The following SVEP1 variants were observed in gnomAD, a reference collection of about 807,000 sequenced individuals.
SVEP1 encodes the protein sushi, von Willebrand factor type A, EGF and pentraxin domain-containing protein 1.
Under a neutral mutation model 367.3 loss-of-function variants are expected in SVEP1, and 164 were observed. The observed-to-expected ratio is 0.45, with a 90% CI of 0.39 to 0.51. The LOEUF is 0.51. Ranked by LOEUF, SVEP1 falls within the 20% of genes least tolerant of loss-of-function variation. SVEP1 has a pLI of 0.00. For missense variants in SVEP1, 4,117 were observed against 4,425.3 expected (o/e 0.93, Z 1.98); for synonymous variants, 1,666 against 1,611.6 (o/e 1.03, Z -0.81).
chr9:110,384,526 T>G (rs914939896), intron 43 of SVEP1, among the ~76,000 whole-genome samples: 2 of 151,194 alleles, frequency 1.3e-5, no homozygotes, highest in African/African-American at 4.9e-5. Context: ...AGCTGCTAGC[T>G]GAAAATTCAG....
Position 110,394,138 on chromosome 9 carries a change from G to A in SVEP1, c.9823-4551C>T, listed in dbSNP as rs1042440246. Reference sequence around the variant, plus strand: ...GGGCGGACTGACACCTCACATGGCCGGGTATTCCTCTGAGACAAAACTTCC... The same window carrying A: ...GGGCGGACTGACACCTCACATGGCCAGGTATTCCTCTGAGACAAAACTTCC... On this transcript the variant is annotated intron_variant, in intron 40 of 47. Transcript: ENST00000374469. Among the ~76,000 whole-genome samples, 8 of 152,064 alleles carry A rather than the reference G, an allele frequency of 5.3e-5. No homozygotes were observed. The East Asian group carries it at 5.8e-4, about 11-fold the overall frequency.
chr9:110,481,427 C>T lies in SVEP1; in HGVS notation c.2180G>A (p.Cys727Tyr). The change falls in exon 12 of 48, where the codon TGT becomes TAT. Residue 727 changes from cysteine (C) to tyrosine (Y), a missense_variant. Coordinates refer to ENST00000374469, the MANE Select transcript of SVEP1 (RefSeq NM_153366.4). ...ATTTACAGGTGTGAATGGAATTTCA[C>T]AGGGAGAACCTGTGTAAAAAAAATT... Reference protein sequence around the residue: ...DIHIVIKGSPCEIPFTPVNGD... With the variant: ...DIHIVIKGSPYEIPFTPVNGD... 2 of 1,575,160 alleles carry T rather than the reference C, an allele frequency of 1.3e-6. No individual in the cohort carries two copies. The highest frequency in any genetic ancestry group is 1.8e-5 in the Admixed American group (1 of 54,522).
intron 3 of SVEP1, among the ~76,000 whole-genome samples, chr9:110,532,639 A>G (rs1163967495): frequency 4.6e-5 from 7 of 152,158 alleles, no homozygotes; most frequent in African/African-American, 1.2e-4. Context: ...AAAGAATTAC[A>G]GTAGTGTTTT....
intron 40 of SVEP1, among the ~76,000 whole-genome samples, chr9:110,391,741 C>T (rs1362398187): frequency 5.9e-5 from 9 of 152,108 alleles, no homozygotes. Flanking sequence ...TGATGTGCAG[C>T]AACTTGAGTG....
Position 110,579,668 on chromosome 9 carries a change from C to G in SVEP1, c.-125G>C, listed in dbSNP as rs1328605180. 8.3e-7 allele frequency: 1 copy of G among 1,202,058 alleles called. No individual in the cohort carries two copies. Among genetic ancestry groups the G allele is most frequent in the Non-Finnish European group, 1.1e-6 (1 of 908,686 alleles). The allele number at this position is 1,202,058 out of a possible 1,614,324, so 74.5% of individuals were successfully genotyped here. On this transcript the variant is annotated 5_prime_UTR_variant, in exon 1 of 48. The change abolishes the stop of an existing upstream ORF in the 5' untranslated region. Transcript: ENST00000374469. This position sits in a 1 kb window ranked among gnomAD's most constrained non-coding sequence, Gnocchi z 5.3. ...GGCGCGGGGCAGCGGCCAAGAGCCT[C>G]AGCGCCCTTTCATCTGACACTGGGG... is the stretch of plus-strand genomic sequence containing the variant.
chr9:110,449,833 T>C (rs181828415), intron 24 of SVEP1, among the ~76,000 whole-genome samples: 9 of 152,334 alleles, frequency 5.9e-5, no homozygotes, highest in East Asian at 1.9e-4. Context: ...ATCAGAATCA[T>C]TGGGAAACTT....
chr9:110,428,425 C>CGA (rs1828289215), intron 35 of SVEP1, among the ~76,000 whole-genome samples: 1 of 151,192 alleles, frequency 6.6e-6, no homozygotes. Flanking sequence ...CACACACACA[C>CGA]ACACCATTAA....
At chr9:110,470,020 C>T (rs1284114713) in intron 16 of SVEP1, among the ~76,000 whole-genome samples, 1 of 152,172 alleles carries the variant, frequency 6.6e-6, no homozygotes, top group Non-Finnish European at 1.5e-5. Context: ...GGCACAAGAA[C>T]CCACGTTTAT....
intron 22 of SVEP1, among the ~76,000 whole-genome samples, chr9:110,454,973 T>C (rs939361516): frequency 3.9e-5 from 6 of 152,190 alleles, no homozygotes; most frequent in Non-Finnish European, 5.9e-5. Context: ...TGAAATTATT[T>C]AAGTCATAAA....
intron 45 of SVEP1, among the ~76,000 whole-genome samples, chr9:110,375,992 T>C (rs1827345127): frequency 6.6e-6 from 1 of 152,210 alleles, no homozygotes; most frequent in Admixed American, 6.5e-5. Flanking sequence ...GGTGACTGAA[T>C]GATGCCTCCC....
chr9:110,430,553 C>A (rs141851210), intron 32 of SVEP1, 103 bp from the exon 33 acceptor site: 2 of 1,286,914 alleles, frequency 1.6e-6, no homozygotes, highest in Non-Finnish European at 2.1e-6. Context: ...CTGTTAAAAT[C>A]GCAAGAGAAA....
At chr9:110,442,816 T>C (rs1017602429) in intron 27 of SVEP1, 1 of 152,194 alleles carries the variant, frequency 6.6e-6, no homozygotes, top group Admixed American at 6.5e-5. Flanking sequence ...GCAAGGGTCA[T>C]CTCACCGCAT....
intron 5 of SVEP1, among the ~76,000 whole-genome samples, chr9:110,512,116 A>C (rs577976745): frequency 6.6e-6 from 1 of 152,262 alleles, no homozygotes; most frequent in African/African-American, 2.4e-5. Flanking sequence ...CAAAAATTCA[A>C]ATTTAACTGG....
rs571098896 is a variant in SVEP1, at chr9:110,529,067, G to T, written c.965-14961C>A. 7.9e-5 allele frequency among the ~76,000 whole-genome samples: 12 copies of T among 152,056 alleles called. No homozygotes were observed. In the East Asian group the frequency reaches 2.3e-3, roughly 29 times the overall value. On this transcript the variant is annotated intron_variant, in intron 3 of 47. Coordinates refer to ENST00000374469, the MANE Select transcript of SVEP1 (RefSeq NM_153366.4). ...AATTTTTTTATACGGTGAGAGACAG[G>T]TATCCAGTTTCATTCTTCTACATGT...
At chr9:110,490,298 A>G (rs1465715645) in intron 8 of SVEP1, among the ~76,000 whole-genome samples, 1 of 152,150 alleles carries the variant, frequency 6.6e-6, no homozygotes, top group African/African-American at 2.4e-5. Context: ...TCAGATATCC[A>G]TCACCTTAAA....
At chr9:110,415,403 G>T (rs1391124185) in intron 36 of SVEP1, among the ~76,000 whole-genome samples, 3 of 152,066 alleles carry the variant, frequency 2.0e-5, no homozygotes, top group Non-Finnish European at 4.4e-5. Context: ...TACATTGTGT[G>T]CAGGGCAATG....
chr9:110,513,821 C>CA, intron 4 of SVEP1, 127 bp downstream of exon 4: 2 of 1,169,910 alleles, frequency 1.7e-6, no homozygotes, highest in Non-Finnish European at 2.4e-6. Flanking sequence ...CCCACTCCCC[C>CA]AAAAAATATG....
chr9:110,502,946 C>G, intron 6 of SVEP1, 92 bp downstream of exon 6: 1 of 1,345,342 alleles, frequency 7.4e-7, no homozygotes, highest in Non-Finnish European at 1.0e-6. Flanking sequence ...TCATTACCAG[C>G]TAGTGTTTAG....
Position 110,385,984 on chromosome 9 carries a change from C to T in SVEP1, c.10151G>A (p.Cys3384Tyr). 1 of 1,613,934 alleles carries T rather than the reference C, an allele frequency of 6.2e-7. No individual in the cohort carries two copies. Among genetic ancestry groups the T allele is most frequent in the Non-Finnish European group, 8.5e-7 (1 of 1,179,852 alleles). Reference protein sequence around the residue: ...FYVDQNVSIKCREGFLLQGHG... With the variant: ...FYVDQNVSIKYREGFLLQGHG... The stretch of plus-strand genomic sequence containing the variant: ...GCCCTGCAGCAGAAAACCTTCCCTA[C>T]ATTTGATGGACACATTCTGATCAAC... The change falls in exon 43 of 48, where the codon TGT becomes TAT. Residue 3384 changes from cysteine to tyrosine, a missense_variant. This residue lies in a region of SVEP1 where 1,765 missense variants were observed against 1,781.1 expected (regional missense o/e 0.99). Transcript: ENST00000374469.
Sources: gnomAD v4.1 joint callset for allele counts (sites outside exome capture counted in the v4.1 genomes callset) on GRCh38, gnomAD v4.1.1 for gene constraint, gnomAD v4.1.1 regional missense constraint, Gnocchi (gnomAD v3.1) non-coding constraint, MANE v1.5 for transcripts, NCBI Gene and HGNC (gene_info 2026-07-23, HGNC 2026-07-21) for gene names.